The following ARHGAP45 variants were observed in gnomAD, a reference collection of about 807,000 sequenced individuals.
ARHGAP45 encodes the protein rho GTPase-activating protein 45.
In ARHGAP45, 56 loss-of-function variants were observed where a neutral mutation model predicts 116.1. That is an observed-to-expected ratio of 0.48 (90% CI 0.39 to 0.60). The LOEUF (loss-of-function observed/expected upper bound fraction) is 0.60. Among genes scored for constraint, ARHGAP45 ranks in the 20% least tolerant of loss-of-function variants. The pLI, the probability that ARHGAP45 is intolerant of heterozygous loss-of-function variation, is 0.00. For missense variants in ARHGAP45, 1,622 were observed against 1,601.0 expected, an observed-to-expected ratio of 1.01 and a Z score of -0.22; for synonymous variants, 866 against 701.7, an observed-to-expected ratio of 1.23 and a Z score of -3.70.
chr19:1,067,662 C>T, intron 1 of ARHGAP45, 167 bp downstream of exon 1: 2 of 741,094 alleles, frequency 2.7e-6, no homozygotes, highest in East Asian at 2.7e-5. Context: ...GGGACCCCGG[C>T]ATTCAGCTCA....
rs1463774450 is a variant in ARHGAP45, at chr19:1,077,637, C to T, written c.1186-220C>T. 52 of 1,417,394 alleles carry T rather than the reference C, an allele frequency of 3.7e-5. 1 individual carries two copies. Among genetic ancestry groups the T allele is most frequent in the South Asian group, 3.4e-4 (23 of 67,774 alleles). 87.8% of individuals were successfully genotyped at this position (1,417,394 alleles called of 1,614,324 possible). ...CTGACCTCAAGTGATCCACCTGCCT[C>T]GGCCTCCCAAAGTGCTGGGATTACA... is the stretch of plus-strand genomic sequence containing the variant. On this transcript the variant is annotated intron_variant, in intron 10 of 22. Transcript: ENST00000313093.
At position 1,080,773 on chromosome 19, in the gene ARHGAP45, A is replaced by C. The variant is rs767959186; in HGVS notation, c.2004A>C (p.Ser668=). ...ACCCAGACGGTGGAGCCGGGGCTTC[A>C]GCCTTTGAGCAGGGTGAGGGTCCCC... ...LVDPDGGAGA[S]AFEQADLNGM... The change falls in exon 16 of 23, where the codon TCA becomes TCC. Residue 668 remains serine (S), a synonymous_variant. Transcript: ENST00000313093. The C allele has an allele frequency of 2.1e-5, 34 of 1,613,230 alleles. No individual in the cohort carries two copies. Among genetic ancestry groups the C allele is most frequent in the Non-Finnish European group, 2.6e-5 (31 of 1,179,944 alleles).
intron 22 of ARHGAP45, among the ~76,000 whole-genome samples, 188 bp from the exon 23 acceptor site, chr19:1,085,472 A>T (rs2043583315): frequency 7.1e-6 from 1 of 140,070 alleles, no homozygotes; most frequent in South Asian, 2.3e-4. Context: ...CCTCCCCGCC[A>T]TGTCTCTCCA....
rs2043447705 is a variant in ARHGAP45 at position 1,081,831 on chromosome 19, A to G, written c.2387A>G (p.Tyr796Cys). 3 of 1,609,048 alleles carry G rather than the reference A, an allele frequency of 1.9e-6. No homozygotes were observed. The highest frequency in any genetic ancestry group is 1.1e-5 in the South Asian group (1 of 90,496). The change falls in exon 19 of 23, where the codon TAC (tyrosine) becomes TGC (cysteine). Residue 796 changes from tyrosine (Y) to cysteine (C), a missense_variant. Coordinates refer to ENST00000313093, the MANE Select transcript of ARHGAP45 (RefSeq NM_012292.5). ...ERRALRTKGIYRVNGVKTRVE... is the reference protein window; with the variant it reads ...ERRALRTKGICRVNGVKTRVE... ...ACCCCCGGGCTCCCGCAGGGCATCT[A>G]CCGGGTCAATGGGGTAAAGACACGC... is the stretch of plus-strand genomic sequence containing the variant.
chr19:1,067,111 A>C, upstream of ARHGAP45: 4 of 1,058,402 alleles, frequency 3.8e-6, no homozygotes, highest in Admixed American at 5.2e-5. Flanking sequence ...CGAAGGCGGA[A>C]GCGGGGGGCG....
In ARHGAP45 at chr19:1,080,943, C is replaced by G. The variant is rs1170474813; in HGVS notation, c.2069C>G (p.Pro690Arg). 1.9e-6 allele frequency: 3 copies of G among 1,609,436 alleles called. No homozygotes were observed. The highest frequency in any genetic ancestry group is 2.5e-6 in the Non-Finnish European group (3 of 1,178,472). ...CTGCCGGTGGCCGTGCCCAGTGGAC[C>G]GTTCCGCCACGAGGGGCTGTCCAAG... is the stretch of plus-strand genomic sequence containing the variant. ...PELPVAVPSG[P>R]FRHEGLSKAA... Residue 690 changes from proline to arginine, a missense_variant, in exon 17 of 23, where the codon CCG becomes CGG. Around this residue, in one of 3 missense-constraint regions of ARHGAP45, gnomAD observed 1,334 missense variants for 1,263.8 expected, o/e 1.06. Transcript: ENST00000313093.
At chr19:1,066,023 G>C, upstream of ARHGAP45, 1 of 1,535,358 alleles carries the variant, frequency 6.5e-7, no homozygotes, top group South Asian at 1.2e-5. Context: ...AGCCCTCAGC[G>C]CCATGAGTCG....
chr19:1,078,091 T>G, intron 11 of ARHGAP45, 46 bp downstream of exon 11: 1 of 1,520,746 alleles, frequency 6.6e-7, no homozygotes, highest in Admixed American at 2.1e-5. Flanking sequence ...GAGGAGGAGA[T>G]CCAATGCTTG....
intron 1 of ARHGAP45, 84 bp downstream of exon 1, chr19:1,067,579 G>C: frequency 1.5e-6 from 2 of 1,339,326 alleles, no homozygotes; most frequent in Non-Finnish European, 2.1e-6. Context: ...GCTCATGCTG[G>C]GGCGGCGGCT....
rs200653397 is a variant in ARHGAP45, at chr19:1,085,647, C to G, written c.3065-13C>G. ...CTGTCTGTCTCCCCCCGCCATCTGT[C>G]TCCCTTTCTTAGAATCCCGAGTTGT... On this transcript the variant is annotated splice_polypyrimidine_tract_variant and intron_variant, in intron 22 of 22. Transcript: ENST00000313093. The G allele has an allele frequency of 1.3e-6, 2 of 1,536,942 alleles. No individual in the cohort carries two copies. The highest frequency in any genetic ancestry group is 1.8e-6 in the Non-Finnish European group (2 of 1,136,418).
In ARHGAP45 at chr19:1,084,346, GGTGA is replaced by G. The variant is rs564447691; in HGVS notation, c.3064+4_3064+7del. 1.6e-4 allele frequency: 251 copies of G among 1,606,462 alleles called. 2 individuals are homozygous for G. In the East Asian group the frequency reaches 4.2e-3, roughly 27 times the overall value. On this transcript the variant is annotated splice_donor_variant and splice_donor_region_variant and intron_variant, in intron 22 of 22. Transcript: ENST00000313093. LOFTEE classifies it high-confidence loss of function. ...GGAGGCGGCGGCGGACGGGTGCAGA[GGTGA>G]GTGTGTGGCTGCCCGAACGGCCCCA...
intron 8 of ARHGAP45, 36 bp downstream of exon 8, chr19:1,074,443 G>A (rs1379195961): frequency 1.4e-6 from 2 of 1,478,334 alleles, no homozygotes; most frequent in East Asian, 4.9e-5. Context: ...GGGGTCCCTG[G>A]GCCCGGGTGT....
intron 2 of ARHGAP45, among the ~76,000 whole-genome samples, chr19:1,070,059 G>A (rs997612325): frequency 2.0e-5 from 3 of 151,916 alleles, no homozygotes; most frequent in Admixed American, 6.6e-5. Context: ...GCAGTGGCGC[G>A]ATCTCGGCTC....
chr19:1,067,635 GC>G, intron 1 of ARHGAP45, 140 bp downstream of exon 1: 2 of 848,826 alleles, frequency 2.4e-6, no homozygotes, highest in Non-Finnish European at 3.9e-6. Flanking sequence ...GACGGCAGGG[GC>G]CACAGCAGAG....
At chr19:1,076,483 CTTTTTTTTTTT>C (rs71174343) in intron 10 of ARHGAP45, among the ~76,000 whole-genome samples, 1,337 of 64,962 alleles carry the variant, frequency 0.021, 13 homozygotes, top group African/African-American at 0.024. Context: ...TGGCAGTAGT[CTTTTTTTTTTT>C]TTTTTTTTTT....
intron 11 of ARHGAP45, among the ~76,000 whole-genome samples, chr19:1,078,355 G>A (rs954425322): frequency 1.3e-5 from 2 of 152,022 alleles, no homozygotes; most frequent in Non-Finnish European, 2.9e-5. Flanking sequence ...GTGTTAGCCA[G>A]GATGGTCTCG....
Position 1,083,069 on chromosome 19 carries a change from G to C in ARHGAP45, c.2744+3G>C, listed in dbSNP as rs576435605. The stretch of plus-strand genomic sequence containing the variant: ...TACCTGCTGCGTCACCTACGCAGGT[G>C]AGTCCCGGCATATGGAGTGGAGGGC... On this transcript the variant is annotated splice_donor_region_variant and intron_variant, in intron 20 of 22. Transcript: ENST00000313093. 6.4e-7 allele frequency: 1 copy of C among 1,552,418 alleles called. No individual in the cohort carries two copies. The highest frequency in any genetic ancestry group is 1.9e-5 in the Admixed American group (1 of 53,286).
At chr19:1,083,492 ACTGT>A in intron 21 of ARHGAP45, 139 bp downstream of exon 21, 1 of 717,726 alleles carries the variant, frequency 1.4e-6, no homozygotes, top group Non-Finnish European at 2.3e-6. Context: ...TCGGGAGGCC[ACTGT>A]CTTTTTGTGT....
At chr19:1,067,878 G>A (rs2145002161) in intron 1 of ARHGAP45, among the ~76,000 whole-genome samples, 1 of 151,672 alleles carries the variant, frequency 6.6e-6, no homozygotes, top group Admixed American at 6.6e-5. Context: ...AGGTTGACCG[G>A]GCAGCAGATC....
Sources: allele counts gnomAD v4.1 joint callset (sites outside exome capture counted in the v4.1 genomes callset), GRCh38; gene constraint gnomAD v4.1.1; regional missense constraint gnomAD v4.1.1; transcripts MANE v1.5; gene names NCBI Gene and HGNC (gene_info 2026-07-23, HGNC 2026-07-21).